SND1: variants seen among roughly 807,000 people sequenced by gnomAD.
SND1 encodes the protein staphylococcal nuclease and tudor domain containing 1, also known as staphylococcal nuclease domain-containing protein 1.
In SND1, 38 loss-of-function variants were observed where a neutral mutation model predicts 121.7. The ratio of observed to expected loss-of-function variants is 0.31; its 90% confidence interval spans 0.24 to 0.41. The LOEUF is 0.41. Ranked by LOEUF, SND1 falls within the 10% of genes least tolerant of loss-of-function variation. The pLI is 1.00. For synonymous variants in SND1, 401 were observed against 447.4 expected, an observed-to-expected ratio of 0.90 and a Z score of 1.31; for missense variants, 868 against 1,184.6, an observed-to-expected ratio of 0.73 and a Z score of 3.92.
intron 1 of SND1, among the ~76,000 whole-genome samples, chr7:127,677,266 G>A (rs1171989480): frequency 6.6e-6 from 1 of 152,042 alleles, no homozygotes; most frequent in Non-Finnish European, 1.5e-5. Context: ...TTGACAAACT[G>A]GATCATAACA....
intron 12 of SND1, among the ~76,000 whole-genome samples, chr7:127,848,395 G>A (rs1799105678): frequency 1.3e-5 from 2 of 152,192 alleles, no homozygotes; most frequent in Admixed American, 1.3e-4. Flanking sequence ...AAGTGCTCAG[G>A]TGTTGTACAG....
intron 12 of SND1, among the ~76,000 whole-genome samples, chr7:127,877,960 A>C (rs1260408235): frequency 6.6e-6 from 1 of 152,100 alleles, no homozygotes; most frequent in East Asian, 1.9e-4. Flanking sequence ...TTATGGAATG[A>C]CTTTTTTCTC....
chr7:127,705,097 T>C, intron 8 of SND1, 152 bp downstream of exon 8: 2 of 647,134 alleles, frequency 3.1e-6, no homozygotes, highest in Non-Finnish European at 5.6e-6. Context: ...GTGACTTAAA[T>C]ATTGGTCTTC....
In SND1 at chr7:128,015,671, A is replaced by C. The variant is rs1311880553; in HGVS notation, c.1779+24615A>C. Among the ~76,000 whole-genome samples, 2 of 152,184 alleles carry C rather than the reference A, an allele frequency of 1.3e-5. No homozygotes were observed. Among genetic ancestry groups the C allele is most frequent in the African/African-American group, 4.8e-5 (2 of 41,446 alleles). On this transcript the variant is annotated intron_variant, in intron 16 of 23. Coordinates refer to ENST00000354725, the MANE Select transcript of SND1 (RefSeq NM_014390.4). This position sits in a 1 kb window ranked among gnomAD's most constrained non-coding sequence, Gnocchi z 4.5. ...AACAGAAATGAAATGATTGGTAACA[A>C]GTATGAGAGGGGTCATGGGTGACCT...
intron 10 of SND1, among the ~76,000 whole-genome samples, chr7:127,734,811 A>G (rs1358554087): frequency 2.6e-5 from 4 of 152,236 alleles, no homozygotes; most frequent in East Asian, 3.8e-4. Flanking sequence ...TGAGCATTAC[A>G]GGATGAGAAA....
intron 15 of SND1, among the ~76,000 whole-genome samples, chr7:127,930,206 C>T (rs1019366695): frequency 1.3e-5 from 2 of 152,064 alleles, no homozygotes; most frequent in Non-Finnish European, 2.9e-5. Context: ...CCGTGGTCCC[C>T]AGATGCACAT....
chr7:128,023,825 T>C (rs889093080), intron 16 of SND1, among the ~76,000 whole-genome samples: 2 of 152,230 alleles, frequency 1.3e-5, no homozygotes, highest in African/African-American at 4.8e-5. Context: ...ATTTGCTATA[T>C]GGTGTGGAGC....
At chr7:127,671,483 G>A (rs925440598) in intron 1 of SND1, among the ~76,000 whole-genome samples, 15 of 152,172 alleles carry the variant, frequency 9.9e-5, no homozygotes, top group South Asian at 4.1e-4. Context: ...TGTTCTATGC[G>A]CACGCTCCTG....
chr7:128,059,141 A>G (rs1460379227), intron 16 of SND1, among the ~76,000 whole-genome samples: 1 of 152,176 alleles, frequency 6.6e-6, no homozygotes, highest in African/African-American at 2.4e-5. Flanking sequence ...CCTATGCTGG[A>G]ACATGTCTGC....
At chr7:127,823,649 A>G (rs775826556) in intron 11 of SND1, among the ~76,000 whole-genome samples, 3 of 152,198 alleles carry the variant, frequency 2.0e-5, no homozygotes, top group Non-Finnish European at 4.4e-5. Context: ...TTGTTTGATC[A>G]TCAGTTAGGA....
chr7:127,755,719 G>A (rs1563002042), intron 10 of SND1, among the ~76,000 whole-genome samples: 1 of 152,242 alleles, frequency 6.6e-6, no homozygotes, highest in Non-Finnish European at 1.5e-5. Context: ...TTTGAAAGCG[G>A]AAGCTGCCGG....
At chr7:128,076,708 G>C (rs1793512259) in intron 17 of SND1, among the ~76,000 whole-genome samples, 1 of 152,230 alleles carries the variant, frequency 6.6e-6, no homozygotes, top group Non-Finnish European at 1.5e-5. Flanking sequence ...CAGGATGCAG[G>C]AATGTTTGTG....
chr7:128,075,866 C>G (rs563943884), intron 17 of SND1, among the ~76,000 whole-genome samples: 1 of 152,254 alleles, frequency 6.6e-6, no homozygotes, highest in Non-Finnish European at 1.5e-5. Context: ...AGGAGTCACA[C>G]GGCTTCTTCC....
intron 15 of SND1, among the ~76,000 whole-genome samples, chr7:127,942,838 G>A (rs543263847): frequency 2.8e-4 from 43 of 152,238 alleles, no homozygotes; most frequent in African/African-American, 1.0e-3. Context: ...ACCAAGACAC[G>A]AAGAGTTGCA....
chr7:128,063,327 A>G (rs1793262075), intron 16 of SND1, among the ~76,000 whole-genome samples: 2 of 152,164 alleles, frequency 1.3e-5, no homozygotes, highest in African/African-American at 2.4e-5. Context: ...GCCAAGTGCA[A>G]AACAGCCCCT....
chr7:127,959,444 T>C (rs1374380188), intron 15 of SND1, among the ~76,000 whole-genome samples: 1 of 152,212 alleles, frequency 6.6e-6, no homozygotes. Flanking sequence ...TACTGTGGCC[T>C]GGAAGTGTGG....
intron 15 of SND1, among the ~76,000 whole-genome samples, chr7:127,985,102 C>G (rs1190139444): frequency 6.6e-6 from 1 of 152,238 alleles, no homozygotes; most frequent in Non-Finnish European, 1.5e-5. Context: ...CACTCCCTCC[C>G]TCTCTGCCAT....
At chr7:128,067,487 C>G (rs1793335713) in intron 16 of SND1, among the ~76,000 whole-genome samples, 1 of 152,192 alleles carries the variant, frequency 6.6e-6, no homozygotes, top group Non-Finnish European at 1.5e-5. Flanking sequence ...GAAGAACTTA[C>G]AGCCAGCACC....
In SND1 at chr7:128,092,368, A is replaced by G; in HGVS notation, c.*310A>G. ...CTCAAATCAGGAAGAAACATCAAAG[A>G]CTATGTCCTAGTGGAGGGAGTAATC... On this transcript the variant is annotated 3_prime_UTR_variant, in exon 24 of 24. Transcript: ENST00000354725. This position sits in a 1 kb window ranked among gnomAD's most constrained non-coding sequence, Gnocchi z 4.9. 1 of 388,384 alleles carries G rather than the reference A, an allele frequency of 2.6e-6. No homozygotes were observed. The allele number at this position is 388,384 out of a possible 1,614,324, so 24.1% of individuals were successfully genotyped here.
Sources: gnomAD v4.1 joint callset for allele counts (sites outside exome capture counted in the v4.1 genomes callset) on GRCh38, gnomAD v4.1.1 for gene constraint, Gnocchi (gnomAD v3.1) non-coding constraint, MANE v1.5 for transcripts, NCBI Gene and HGNC (gene_info 2026-07-23, HGNC 2026-07-21) for gene names.